The following SLC14A2 variants were observed in gnomAD, a reference collection of about 807,000 sequenced individuals.
SLC14A2 encodes the protein urea transporter 2.
A neutral mutation model predicts 104.6 loss-of-function variants in SLC14A2; 91 were observed. That is an observed-to-expected ratio of 0.87 (90% CI 0.73 to 1.04). The LOEUF (loss-of-function observed/expected upper bound fraction) is 1.04. Among genes scored for constraint, SLC14A2 ranks in the 50% least tolerant of loss-of-function variants. SLC14A2 has a pLI of 0.00. For synonymous variants in SLC14A2, 476 were observed against 466.4 expected (o/e 1.02, Z -0.27); for missense variants, 1,189 against 1,156.0 (o/e 1.03, Z -0.41).
chr18:45,586,993 A>G (rs2044575499), intron 2 of SLC14A2, among the ~76,000 whole-genome samples: 3 of 152,126 alleles, frequency 2.0e-5, no homozygotes, highest in Admixed American at 2.0e-4. Flanking sequence ...CTTTATTTTA[A>G]ATTATTTTTT....
intron 4 of SLC14A2, among the ~76,000 whole-genome samples, chr18:45,630,229 G>A (rs1484874): frequency 0.37 from 55,823 of 152,014 alleles, 10,520 homozygotes; most frequent in Non-Finnish European, 0.41. Flanking sequence ...GTCTTGTTCT[G>A]CATCATAGGC....
chr18:45,645,632 A>ATAT (rs1568312070), intron 10 of SLC14A2, among the ~76,000 whole-genome samples: 3 of 7,080 alleles, frequency 4.2e-4, no homozygotes, highest in Non-Finnish European at 9.8e-4. Context: ...TACATATACA[A>ATAT]AGATATATAT....
intron 1 of SLC14A2, among the ~76,000 whole-genome samples, chr18:45,450,908 C>T (rs1345783186): frequency 6.6e-6 from 1 of 152,166 alleles, no homozygotes; most frequent in Non-Finnish European, 1.5e-5. Context: ...CCAGCTGCTA[C>T]TGTGGGCCAT....
rs147675896 is a variant in SLC14A2 at position 45,362,982 on chromosome 18, C to T, written c.-124-120251C>T. ...ACCAGCTTGACAACCTCCAGCATAA[C>T]GAAATCCACCAGGGCCTGGCACTTT... On this transcript the variant is annotated intron_variant, in intron 1 of 20. Transcript: ENST00000586448. 8.5e-5 allele frequency among the ~76,000 whole-genome samples: 13 copies of T among 152,214 alleles called. No homozygotes were observed. In the East Asian group the frequency reaches 2.1e-3, roughly 25 times the overall value.
chr18:45,198,483 T>C, the SLC14A2 span, among the ~76,000 whole-genome samples: 5 of 152,164 alleles, frequency 3.3e-5, no homozygotes, highest in African/African-American at 4.8e-5. Flanking sequence ...GCATCGATGC[T>C]ATATACAAAG....
intron 1 of SLC14A2, among the ~76,000 whole-genome samples, chr18:45,366,125 G>A (rs1419169918): frequency 6.6e-6 from 1 of 152,088 alleles, no homozygotes; most frequent in Non-Finnish European, 1.5e-5. Flanking sequence ...AGCAGAGTGT[G>A]CCCTGGAGCA....
chr18:45,485,743 T>C (rs747226175), intron 2 of SLC14A2, among the ~76,000 whole-genome samples: 2 of 152,216 alleles, frequency 1.3e-5, no homozygotes, highest in Non-Finnish European at 2.9e-5. Context: ...AGTGACTTTT[T>C]TTTTTGTTAC....
chr18:45,588,012 G>A (rs2044593269), intron 2 of SLC14A2, among the ~76,000 whole-genome samples: 1 of 152,194 alleles, frequency 6.6e-6, no homozygotes, highest in African/African-American at 2.4e-5. Context: ...AGGGCAGCAG[G>A]GAGATGATTG....
At chr18:45,626,592 G>A (rs907911239) in intron 3 of SLC14A2, among the ~76,000 whole-genome samples, 3 of 151,688 alleles carry the variant, frequency 2.0e-5, no homozygotes, top group Non-Finnish European at 2.9e-5. Context: ...AGAATTTCCT[G>A]CCCCCACCCC....
intron 1 of SLC14A2, among the ~76,000 whole-genome samples, chr18:45,479,050 C>T (rs1243850579): frequency 6.6e-6 from 1 of 152,180 alleles, no homozygotes; most frequent in African/African-American, 2.4e-5. Context: ...GCAGCAGACA[C>T]CTTTCAGCAT....
intron 8 of SLC14A2, among the ~76,000 whole-genome samples, chr18:45,642,729 G>A (rs2045551425): frequency 1.3e-5 from 2 of 151,710 alleles, no homozygotes; most frequent in Admixed American, 6.6e-5. Context: ...TTGAATAGGA[G>A]GGACCTTGGC....
chr18:45,664,983 G>A (rs2045992413), intron 11 of SLC14A2, among the ~76,000 whole-genome samples: 1 of 152,168 alleles, frequency 6.6e-6, no homozygotes, highest in African/African-American at 2.4e-5. Flanking sequence ...GCAGAGAGGA[G>A]CTTCAGACAG....
chr18:45,216,639 G>T (rs1379199965), intron 1 of SLC14A2, among the ~76,000 whole-genome samples: 2 of 152,142 alleles, frequency 1.3e-5, no homozygotes, highest in Non-Finnish European at 2.9e-5. Context: ...CAGTACCGCT[G>T]CATGCAATGC....
chr18:45,641,359 A>T lies in SLC14A2; in HGVS notation c.1126+16A>T, dbSNP rs1568310093. Reference sequence around the variant, plus strand: ...CTCATCTGTGGTAGGTGTTCAGAAAAGCTGACAACCAGGTTATTCTGGCTA... The same window carrying T: ...CTCATCTGTGGTAGGTGTTCAGAAATGCTGACAACCAGGTTATTCTGGCTA... On this transcript the variant is annotated intron_variant, in intron 8 of 19. Coordinates refer to ENST00000255226, the MANE Select transcript of SLC14A2 (RefSeq NM_007163.4). 1.2e-5 allele frequency: 19 copies of T among 1,614,060 alleles called. No individual in the cohort carries two copies. Among genetic ancestry groups the T allele is most frequent in the Non-Finnish European group, 1.4e-5 (16 of 1,179,980 alleles).
At chr18:45,370,165 C>G (rs910810584) in intron 1 of SLC14A2, among the ~76,000 whole-genome samples, 2 of 152,154 alleles carry the variant, frequency 1.3e-5, no homozygotes, top group African/African-American at 4.8e-5. Flanking sequence ...GAAACAGAAA[C>G]AGGATTACTC....
chr18:45,643,334 G>A (rs764805860), intron 9 of SLC14A2, among the ~76,000 whole-genome samples, 153 bp downstream of exon 9: 2 of 152,164 alleles, frequency 1.3e-5, no homozygotes, highest in East Asian at 3.8e-4. Flanking sequence ...AAGGTTGTCC[G>A]GAGGAGGATT....
intron 1 of SLC14A2, among the ~76,000 whole-genome samples, chr18:45,217,444 TGG>T (rs2084020824): frequency 6.6e-6 from 1 of 151,874 alleles, no homozygotes; most frequent in African/African-American, 2.4e-5. Flanking sequence ...GTAGCCACAG[TGG>T]GTTAGAACAG....
At chr18:45,214,572 A>C (rs971715829) in intron 1 of SLC14A2, among the ~76,000 whole-genome samples, 2 of 152,140 alleles carry the variant, frequency 1.3e-5, no homozygotes, top group Non-Finnish European at 2.9e-5. Flanking sequence ...TTGTGACTAC[A>C]TTGGTCTTTA....
intron 1 of SLC14A2, among the ~76,000 whole-genome samples, chr18:45,254,921 C>T (rs989452570): frequency 3.9e-5 from 6 of 152,226 alleles, no homozygotes; most frequent in South Asian, 4.2e-4. Flanking sequence ...CCTGGGCAGC[C>T]GCCCACATTT....
Sources: allele counts gnomAD v4.1 joint callset (sites outside exome capture counted in the v4.1 genomes callset), GRCh38; gene constraint gnomAD v4.1.1; transcripts MANE v1.5; gene names NCBI Gene and HGNC (gene_info 2026-07-23, HGNC 2026-07-21).